The following SND1 variants were observed in gnomAD, a reference collection of about 807,000 sequenced individuals.
SND1 encodes staphylococcal nuclease and tudor domain containing 1.
Under a neutral mutation model 121.7 loss-of-function variants are expected in SND1, and 38 were observed. That is an observed-to-expected ratio of 0.31 (90% CI 0.24 to 0.41). The LOEUF (loss-of-function observed/expected upper bound fraction) is 0.41. SND1 is among the 10% of genes least tolerant of loss of function. The pLI is 1.00. For missense variants in SND1, 868 were observed against 1,184.6 expected, an observed-to-expected ratio of 0.73 and a Z score of 3.92; for synonymous variants, 401 against 447.4, an observed-to-expected ratio of 0.90 and a Z score of 1.31.
intron 15 of SND1, among the ~76,000 whole-genome samples, chr7:127,932,387 A>G (rs989214078): frequency 6.6e-6 from 1 of 152,240 alleles, no homozygotes; most frequent in Admixed American, 6.5e-5. Flanking sequence ...AATCTCATGA[A>G]AAGAATTTGA....
intron 9 of SND1, among the ~76,000 whole-genome samples, chr7:127,711,071 AG>A (rs1237851825): frequency 6.6e-6 from 1 of 152,190 alleles, no homozygotes; most frequent in Non-Finnish European, 1.5e-5. Context: ...AGATTCATTC[AG>A]TCTGCTAACA....
chr7:127,828,923 G>A (rs1198421791), intron 11 of SND1, among the ~76,000 whole-genome samples: 3 of 152,164 alleles, frequency 2.0e-5, no homozygotes, highest in Admixed American at 2.0e-4. Flanking sequence ...CTGTCTTGTA[G>A]AAGAATTTAT....
chr7:127,684,625 A>G (rs1171626224), intron 1 of SND1, among the ~76,000 whole-genome samples: 1 of 152,170 alleles, frequency 6.6e-6, no homozygotes, highest in Non-Finnish European at 1.5e-5. Context: ...ATCTTTTGGA[A>G]TGTCAGTTCC....
At chr7:127,972,766 G>T (rs546929969) in intron 15 of SND1, among the ~76,000 whole-genome samples, 1 of 151,958 alleles carries the variant, frequency 6.6e-6, no homozygotes, top group Non-Finnish European at 1.5e-5. Context: ...TTTTAGTAGA[G>T]ACAGGGTTTC....
intron 16 of SND1, among the ~76,000 whole-genome samples, chr7:128,054,639 C>G (rs1305802865): frequency 6.6e-6 from 1 of 152,208 alleles, no homozygotes; most frequent in African/African-American, 2.4e-5. Context: ...TCCTCAGCCC[C>G]CTTTTTCTTC....
chr7:127,878,025 T>G (rs2116711787), intron 12 of SND1, among the ~76,000 whole-genome samples: 1 of 152,262 alleles, frequency 6.6e-6, no homozygotes, highest in Admixed American at 6.5e-5. Flanking sequence ...CTTGTTTCTT[T>G]CATGCAGCAT....
intron 11 of SND1, among the ~76,000 whole-genome samples, chr7:127,808,199 G>T (rs1380077253): frequency 1.5e-5 from 2 of 134,766 alleles, no homozygotes; most frequent in Non-Finnish European, 3.0e-5. Context: ...ATCTCACTCT[G>T]TTGCCTAGTC....
At chr7:127,700,860 C>T (rs991444671) in intron 4 of SND1, among the ~76,000 whole-genome samples, 9 of 152,188 alleles carry the variant, frequency 5.9e-5, no homozygotes, top group Admixed American at 2.0e-4. Flanking sequence ...CCTGGAGCAA[C>T]TCTGAGCCAC....
At chr7:128,086,483 A>C in intron 20 of SND1, 1 of 260,684 alleles carries the variant, frequency 3.8e-6, no homozygotes, top group Non-Finnish European at 7.5e-6. Context: ...CCTGCCAGAC[A>C]AGGGTGAACC....
At position 127,671,302 on chromosome 7, in the gene SND1, A is replaced by G. The variant is rs553405980; in HGVS notation, c.79-15311A>G. Among the ~76,000 whole-genome samples, 7 of 152,366 alleles carry G rather than the reference A, an allele frequency of 4.6e-5. No individual in the cohort carries two copies. The East Asian group carries it at 1.2e-3, about 25-fold the overall frequency. On this transcript the variant is annotated intron_variant, in intron 1 of 23. Coordinates refer to ENST00000354725, the MANE Select transcript of SND1 (RefSeq NM_014390.4). ...GATAACTCCTGTATCCCCTTTACCA[A>G]GAGTCCCTAACTGCCTTATCATCCT...
intron 16 of SND1, among the ~76,000 whole-genome samples, chr7:128,060,402 C>G (rs143782831): frequency 3.2e-4 from 48 of 152,302 alleles, no homozygotes; most frequent in Non-Finnish European, 6.2e-4. Context: ...AAGCATGACA[C>G]CATTGAATAT....
intron 15 of SND1, among the ~76,000 whole-genome samples, chr7:127,941,546 A>G (rs911937273): frequency 6.6e-6 from 1 of 152,074 alleles, no homozygotes; most frequent in Non-Finnish European, 1.5e-5. Flanking sequence ...GAGCTTGTAC[A>G]TCTGCTAGTG....
chr7:127,714,393 C>G (rs1796349853), intron 9 of SND1, among the ~76,000 whole-genome samples: 1 of 152,086 alleles, frequency 6.6e-6, no homozygotes, highest in Non-Finnish European at 1.5e-5. Flanking sequence ...TTTATTTACC[C>G]TGATAGTTTT....
chr7:128,020,043 T>G (rs940145937), intron 16 of SND1, among the ~76,000 whole-genome samples: 1 of 152,220 alleles, frequency 6.6e-6, no homozygotes, highest in Non-Finnish European at 1.5e-5. Context: ...CATGTTGGGA[T>G]AGATGTTACC....
intron 16 of SND1, among the ~76,000 whole-genome samples, chr7:128,065,806 G>A (rs1793303250): frequency 6.6e-6 from 1 of 152,198 alleles, no homozygotes; most frequent in Admixed American, 6.5e-5. Flanking sequence ...GCCTGGGACT[G>A]CCCTTCACGT....
rs978718441 is a variant in SND1 at position 127,741,429 on chromosome 7, G to T, written c.1152+20029G>T. ...GTACTTGTTCTTTTACCTTAAAATC[G>T]CCTGGGGGAACTTGAGAACAAAATA... On this transcript the variant is annotated intron_variant, in intron 10 of 23. Transcript: ENST00000354725. Among the ~76,000 whole-genome samples the T allele has an allele frequency of 1.1e-4, 17 of 151,020 alleles. 1 individual carries two copies. Among genetic ancestry groups the T allele is most frequent in the African/African-American group, 3.4e-4 (14 of 41,396 alleles).
chr7:127,722,066 A>G (rs1796504461), intron 10 of SND1, among the ~76,000 whole-genome samples: 1 of 152,196 alleles, frequency 6.6e-6, no homozygotes, highest in Admixed American at 6.5e-5. Flanking sequence ...CATAAGAGTT[A>G]TGAGAATTGG....
intron 9 of SND1, among the ~76,000 whole-genome samples, chr7:127,713,761 A>T (rs867907723): frequency 2.0e-5 from 3 of 152,224 alleles, no homozygotes; most frequent in Non-Finnish European, 4.4e-5. Flanking sequence ...TCTCTGATAC[A>T]TGTGGCCTAT....
At chr7:127,662,243 C>A (rs971713177) in intron 1 of SND1, among the ~76,000 whole-genome samples, 8 of 152,220 alleles carry the variant, frequency 5.3e-5, no homozygotes, top group Non-Finnish European at 8.8e-5. Flanking sequence ...CACACCCTCT[C>A]CTCCTTTTTA....
Sources: allele counts gnomAD v4.1 joint callset (sites outside exome capture counted in the v4.1 genomes callset), GRCh38; gene constraint gnomAD v4.1.1; transcripts MANE v1.5; gene names NCBI Gene and HGNC (gene_info 2026-07-23, HGNC 2026-07-21).